The following COL4A3 variants were observed in gnomAD, a reference collection of about 807,000 sequenced individuals.
COL4A3 encodes the protein collagen type IV alpha 3 chain.
A neutral mutation model predicts 217.4 loss-of-function variants in COL4A3; 135 were observed. The observed-to-expected ratio is 0.62, with a 90% CI of 0.54 to 0.72. The LOEUF is 0.72. COL4A3 is among the 30% of genes least tolerant of loss of function. The pLI is 0.00. For synonymous variants in COL4A3, 690 were observed against 736.3 expected, an observed-to-expected ratio of 0.94 and a Z score of 1.02; for missense variants, 1,868 against 2,119.9, an observed-to-expected ratio of 0.88 and a Z score of 2.33.
intron 43 of COL4A3, among the ~76,000 whole-genome samples, chr2:227,301,105 T>A (rs2073268016): frequency 6.6e-6 from 1 of 150,492 alleles, no homozygotes; most frequent in Non-Finnish European, 1.5e-5. Flanking sequence ...AAGAAACACT[T>A]AACAAAGCAG....
rs944020939 is a variant in COL4A3, at chr2:227,164,749, G to A, written c.23G>A (p.Arg8Lys). The A allele has an allele frequency of 1.3e-6, 2 of 1,526,852 alleles. No homozygotes were observed. Among genetic ancestry groups the A allele is most frequent in the African/African-American group, 1.4e-5 (1 of 71,592 alleles). 94.6% of individuals were successfully genotyped at this position (1,526,852 alleles called of 1,614,324 possible). The change falls in exon 1 of 52, where the codon AGG becomes AAG. Residue 8 changes from arginine (R) to lysine (K), a missense_variant. Arg to Lys is a conservative substitution (Grantham distance 26). Transcript: ENST00000396578. The surrounding 1 kb of genome is among the most constrained non-coding windows in gnomAD (Gnocchi z 4.8). MSARTAP[R>K]PQVLLLPLLL... ...ACCATGAGCGCCCGGACCGCCCCCA[G>A]GCCGCAGGTGCTCCTGCTGCCGCTC...
Position 227,310,801 on chromosome 2 carries a change from C to G in COL4A3, c.4781C>G (p.Thr1594Ser), listed in dbSNP as rs760284809. The G allele has an allele frequency of 1.2e-6, 2 of 1,614,168 alleles. No homozygotes were observed. The highest frequency in any genetic ancestry group is 2.7e-5 in the African/African-American group (2 of 75,042). ...TTCACAAGTGCAGGTTCTGAGGGCA[C>G]CGGGCAAGCACTGGCCTCCCCTGGC... is the stretch of plus-strand genomic sequence containing the variant. ...IMFTSAGSEG[T>S]GQALASPGSC... Residue 1594 changes from threonine to serine, a missense_variant, in exon 51 of 52, where the codon ACC becomes AGC. Coordinates refer to ENST00000396578, the MANE Select transcript of COL4A3 (RefSeq NM_000091.5).
In COL4A3 at chr2:227,293,250, A is replaced by C. The variant is rs201989155; in HGVS notation, c.3270A>C (p.Pro1090=). The C allele has an allele frequency of 2.3e-4, 374 of 1,613,924 alleles. No individual in the cohort carries two copies. The highest frequency in any genetic ancestry group is 1.0e-3 in the Admixed American group (63 of 60,026). ...AAGGAGAAATGGGGCAACCTGGCCCACCTGGACATTTGGGGCCTGCTGGAC... is the reference window on the plus strand; with the variant it reads ...AAGGAGAAATGGGGCAACCTGGCCCCCCTGGACATTTGGGGCCTGCTGGAC... ...GKKGEMGQPG[P]PGHLGPAGPE... The change falls in exon 38 of 52, where the codon CCA becomes CCC. Residue 1090 remains proline, a synonymous_variant. Coordinates refer to ENST00000396578, the MANE Select transcript of COL4A3 (RefSeq NM_000091.5).
In COL4A3 at chr2:227,259,854, C is replaced by T. The variant is rs779724492; in HGVS notation, c.1091C>T (p.Pro364Leu). 6 of 1,613,388 alleles carry T rather than the reference C, an allele frequency of 3.7e-6. No homozygotes were observed. Among genetic ancestry groups the T allele is most frequent in the Non-Finnish European group, 5.1e-6 (6 of 1,179,450 alleles). Residue 364 changes from proline (P) to leucine (L), a missense_variant, in exon 19 of 52, where the codon CCC becomes CTC. Pro to Leu is a moderately conservative substitution (Grantham distance 98, BLOSUM62 -3). This residue lies in a region of COL4A3 where 1,503 missense variants were observed against 1,786.1 expected (regional missense o/e 0.84). Coordinates refer to ENST00000396578, the MANE Select transcript of COL4A3 (RefSeq NM_000091.5). Reference protein sequence around the residue: ...GDEGTPGPPGPRGARGPQGPS... With the variant: ...GDEGTPGPPGLRGARGPQGPS... ...GAAGGCACTCCAGGCCCACCAGGGC[C>T]CAGAGGAGCTCGTGGCCCACAAGGT...
intron 38 of COL4A3, chr2:227,294,147 C>T (rs759583281): frequency 1.3e-5 from 4 of 306,012 alleles, no homozygotes; most frequent in Admixed American, 4.8e-5. Context: ...GTGAAACTAT[C>T]GGGTTGCAGA....
intron 21 of COL4A3, 87 bp downstream of exon 21, chr2:227,264,031 T>A: frequency 6.8e-7 from 1 of 1,466,702 alleles, no homozygotes; most frequent in East Asian, 2.3e-5. Flanking sequence ...TCCTCACAGC[T>A]TAGCCATCAG....
At chr2:227,174,501 T>G (rs888003482) in intron 1 of COL4A3, among the ~76,000 whole-genome samples, 2 of 144,788 alleles carry the variant, frequency 1.4e-5, no homozygotes, top group East Asian at 2.2e-4. Flanking sequence ...GTCTAGTGAT[T>G]ATTATTATTA....
At chr2:227,311,054 C>A in intron 51 of COL4A3, 106 bp downstream of exon 51, 3 of 1,159,434 alleles carry the variant, frequency 2.6e-6, no homozygotes, top group East Asian at 2.4e-5. Context: ...TACTACTGTG[C>A]CAATAAAGAC....
chr2:227,200,858 G>A (rs1007868090), intron 1 of COL4A3, among the ~76,000 whole-genome samples: 79 of 152,124 alleles, frequency 5.2e-4, no homozygotes, highest in Admixed American at 1.3e-4. Context: ...CAATTACAAT[G>A]AAATGTTCAA....
chr2:227,248,448 TC>T lies in COL4A3; in HGVS notation c.476del (p.Pro159LeufsTer7). 1.2e-6 allele frequency: 2 copies of T among 1,608,368 alleles called. No individual in the cohort carries two copies. The highest frequency in any genetic ancestry group is 1.7e-6 in the Non-Finnish European group (2 of 1,174,830). ...TGAACTTCTTCATTTTCAAGGGTGC[TC>T]CTGCTAAAGAAGAAGATATAGAACT... is the stretch of plus-strand genomic sequence containing the variant. The part of the protein sequence containing the change: ...AAGLKGQKGA[P>X]AKEEDIELDA... On this transcript the variant is annotated frameshift_variant, in exon 9 of 52. Transcript: ENST00000396578. LOFTEE classifies it high-confidence loss of function.
At position 227,298,705 on chromosome 2, in the gene COL4A3, C is replaced by G. The variant is rs2073143140; in HGVS notation, c.3775C>G (p.Pro1259Ala). 6.2e-7 allele frequency: 1 copy of G among 1,613,894 alleles called. No individual in the cohort carries two copies. Among genetic ancestry groups the G allele is most frequent in the Non-Finnish European group, 8.5e-7 (1 of 1,179,978 alleles). Reference protein sequence around the residue: ...SPGAPGPPGPPGSHVIGIKGD... With the variant: ...SPGAPGPPGPAGSHVIGIKGD... Reference sequence around the variant, plus strand: ...AGGTGCGCCTGGTCCCCCTGGACCTCCAGGGAGTCATGTAATAGGCATAAA... The same window carrying G: ...AGGTGCGCCTGGTCCCCCTGGACCTGCAGGGAGTCATGTAATAGGCATAAA... Residue 1259 changes from proline (P) to alanine (A), a missense_variant, in exon 43 of 52, where the codon CCA becomes GCA. By Grantham distance (27) the Pro-to-Ala change is conservative. Around this residue, in one of 2 missense-constraint regions of COL4A3, gnomAD observed 1,503 missense variants for 1,786.1 expected, o/e 0.84. Transcript: ENST00000396578.
intron 48 of COL4A3, 25 bp downstream of exon 48, chr2:227,307,944 G>C: frequency 6.2e-7 from 1 of 1,601,134 alleles, no homozygotes; most frequent in Non-Finnish European, 8.6e-7. Flanking sequence ...CCAGTTGCCA[G>C]TTGTGCTGTT....
At chr2:227,255,032 C>A (rs2070065384) in intron 15 of COL4A3, among the ~76,000 whole-genome samples, 1 of 152,152 alleles carries the variant, frequency 6.6e-6, no homozygotes, top group African/African-American at 2.4e-5. Context: ...GAAAGAGCTA[C>A]CCTGCAGCAG....
intron 1 of COL4A3, among the ~76,000 whole-genome samples, chr2:227,213,778 C>A (rs139028812): frequency 6.6e-6 from 1 of 151,182 alleles, no homozygotes; most frequent in African/African-American, 2.4e-5. Context: ...GACAAGTGCC[C>A]GTAAACCCAG....
intron 35 of COL4A3, among the ~76,000 whole-genome samples, chr2:227,289,631 T>C (rs1216352253): frequency 6.6e-6 from 1 of 152,190 alleles, no homozygotes; most frequent in African/African-American, 2.4e-5. Context: ...ATAATTAAAG[T>C]ATCCCACCAT....
rs537619326 is a variant in COL4A3 at position 227,294,685 on chromosome 2, A to G, written c.3418+115A>G. The G allele has an allele frequency of 2.1e-4, 176 of 838,706 alleles. No individual in the cohort carries two copies. In the African/African-American group the frequency reaches 2.9e-3, roughly 14 times the overall value. The allele number at this position is 838,706 out of a possible 1,614,324, so 52.0% of individuals were successfully genotyped here. A position where few individuals can be genotyped will look rare whatever the true frequency, so the allele number is the denominator to read the frequency against. ...AGAAGGTAGCTCCTAGTTACTCAGT[A>G]TCCAGACAAAAATGCAAAAAAAATG... On this transcript the variant is annotated intron_variant, in intron 39 of 51. Transcript: ENST00000396578.
intron 24 of COL4A3, 34 bp from the exon 25 acceptor site, chr2:227,270,736 A>T: frequency 6.2e-7 from 1 of 1,603,378 alleles, no homozygotes; most frequent in Non-Finnish European, 8.5e-7. Flanking sequence ...ATTCTAACAA[A>T]ATACAATACA....
intron 43 of COL4A3, among the ~76,000 whole-genome samples, chr2:227,299,410 A>G (rs76066591): frequency 2.7e-5 from 4 of 150,620 alleles, no homozygotes; most frequent in African/African-American, 9.7e-5. Context: ...ACAAACAAAC[A>G]AAACCATCAG....
At chr2:227,254,605 A>G in intron 14 of COL4A3, 51 bp from the exon 15 acceptor site, 1 of 1,346,874 alleles carries the variant, frequency 7.4e-7, no homozygotes, top group Non-Finnish European at 1.1e-6. Flanking sequence ...AATCAATGTA[A>G]GTAAAAAAAT....
Sources: allele counts gnomAD v4.1 joint callset (sites outside exome capture counted in the v4.1 genomes callset), GRCh38; gene constraint gnomAD v4.1.1; regional missense constraint gnomAD v4.1.1; non-coding constraint Gnocchi (gnomAD v3.1); transcripts MANE v1.5; gene names NCBI Gene and HGNC (gene_info 2026-07-23, HGNC 2026-07-21).